MAP3K3: variants seen among roughly 807,000 people sequenced by gnomAD.
The protein encoded by MAP3K3 is MAP/ERK kinase kinase 3.
In MAP3K3, 12 loss-of-function variants were observed where a neutral mutation model predicts 80.9. The observed-to-expected ratio is 0.15, with a 90% CI of 0.10 to 0.24. The LOEUF (loss-of-function observed/expected upper bound fraction) is 0.24, where lower values mean the gene tolerates loss of function less well. Among genes scored for constraint, MAP3K3 ranks in the 10% least tolerant of loss-of-function variants. The pLI is 1.00. For missense variants in MAP3K3, 596 were observed against 834.7 expected (o/e 0.71, Z 3.52); for synonymous variants, 272 against 307.1 (o/e 0.89, Z 1.19).
intron 1 of MAP3K3, among the ~76,000 whole-genome samples, chr17:63,625,396 T>A (rs1168947254): frequency 6.6e-6 from 1 of 152,248 alleles, no homozygotes; most frequent in East Asian, 1.9e-4. Flanking sequence ...TAGTGGCAAA[T>A]GCTGTTCATA....
At chr17:63,672,594 G>T (rs1160718803) in intron 6 of MAP3K3, among the ~76,000 whole-genome samples, 1 of 152,162 alleles carries the variant, frequency 6.6e-6, no homozygotes, top group Non-Finnish European at 1.5e-5. Context: ...TTGAAACCAT[G>T]CACCCAGGCG....
Position 63,690,431 on chromosome 17 carries a change from C to A in MAP3K3, c.1212+19C>A. On this transcript the variant is annotated intron_variant, in intron 12 of 15. Transcript: ENST00000361733. ...AAGCAAGGTACACTTAACCCGTGGT[C>A]TGACTTCAGTTCCCTCCTTTCAACA... The A allele has an allele frequency of 1.2e-6, 2 of 1,611,044 alleles. No homozygotes were observed. Among genetic ancestry groups the A allele is most frequent in the South Asian group, 1.1e-5 (1 of 90,690 alleles).
intron 10 of MAP3K3, 34 bp downstream of exon 10, chr17:63,688,915 C>T: frequency 6.5e-7 from 1 of 1,545,380 alleles, no homozygotes; most frequent in East Asian, 2.2e-5. Context: ...CTGCTGGCTG[C>T]CTCAAGAAAG....
chr17:63,660,141 A>G (rs148157945), intron 5 of MAP3K3, among the ~76,000 whole-genome samples: 5 of 151,874 alleles, frequency 3.3e-5, no homozygotes, highest in Non-Finnish European at 7.4e-5. Context: ...TTGTTTCTCC[A>G]CTTTGAATTT....
intron 5 of MAP3K3, among the ~76,000 whole-genome samples, chr17:63,662,251 A>G (rs2034908233): frequency 6.6e-6 from 1 of 151,244 alleles, no homozygotes; most frequent in Admixed American, 6.6e-5. Context: ...ATTGAAAAAA[A>G]AAAAAAAAAA....
chr17:63,640,987 G>T (rs1022359200), intron 2 of MAP3K3, among the ~76,000 whole-genome samples: 3 of 152,146 alleles, frequency 2.0e-5, no homozygotes, highest in Non-Finnish European at 2.9e-5. Context: ...ATGATTTATA[G>T]AACATCTACC....
chr17:63,676,255 C>T (rs913950907), intron 6 of MAP3K3, among the ~76,000 whole-genome samples: 3 of 152,194 alleles, frequency 2.0e-5, no homozygotes, highest in Non-Finnish European at 2.9e-5. Flanking sequence ...TATTTTTCCC[C>T]CCAGACCCTC....
rs1369487430 is a variant in MAP3K3, at chr17:63,696,010, T to C, written c.*2233T>C. ...AGGGCAGTTCCTGGCAGCCCCAGGC[T>C]TGCTGTGGGAAGGGGCCGTGCCGTC... On this transcript the variant is annotated 3_prime_UTR_variant, in exon 16 of 16. Transcript: ENST00000361733. 1.3e-5 allele frequency: 2 copies of C among 152,604 alleles called. No individual in the cohort carries two copies. Among genetic ancestry groups the C allele is most frequent in the South Asian group, 2.1e-4 (1 of 4,832 alleles). The allele number at this position is 152,604 out of a possible 1,614,324, so 9.5% of individuals were successfully genotyped here. A position where few individuals can be genotyped will look rare whatever the true frequency, so the allele number is the denominator to read the frequency against.
chr17:63,658,216 C>T (rs1045310710), intron 5 of MAP3K3, among the ~76,000 whole-genome samples: 3 of 152,120 alleles, frequency 2.0e-5, no homozygotes, highest in Admixed American at 6.5e-5. Flanking sequence ...TAGATTTTGA[C>T]CCCAACAAGA....
chr17:63,633,121 A>G (rs551235172), intron 2 of MAP3K3, among the ~76,000 whole-genome samples: 82 of 152,152 alleles, frequency 5.4e-4, no homozygotes, highest in Non-Finnish European at 9.7e-4. Context: ...CCAGCTACTC[A>G]GGAAGCTGAG....
At position 63,691,901 on chromosome 17, in the gene MAP3K3, G is replaced by T. The variant is rs776935191; in HGVS notation, c.1474+39G>T. 2 of 1,601,502 alleles carry T rather than the reference G, an allele frequency of 1.2e-6. No homozygotes were observed. The highest frequency in any genetic ancestry group is 1.7e-6 in the Non-Finnish European group (2 of 1,170,388). ...GGATACATGGAGTCCCCAGGACCTG[G>T]GTTCAAGTCTACCATTGAGTGCCTG... On this transcript the variant is annotated intron_variant, in intron 14 of 15. Transcript: ENST00000361733. This position sits in a 1 kb window ranked among gnomAD's most constrained non-coding sequence, Gnocchi z 4.8.
chr17:63,691,662 G>C lies in MAP3K3; in HGVS notation c.1345-71G>C. 1 of 1,568,226 alleles carries C rather than the reference G, an allele frequency of 6.4e-7. No homozygotes were observed. ...AATCACTCCTTTGCTGCCATGCTGG[G>C]GGCTGGAATGGGCTTGCCCCTCCAC... On this transcript the variant is annotated intron_variant, in intron 13 of 15. Transcript: ENST00000361733. This position sits in a 1 kb window ranked among gnomAD's most constrained non-coding sequence, Gnocchi z 4.8.
At chr17:63,658,013 A>G in intron 5 of MAP3K3, 106 bp downstream of exon 5, 1 of 574,148 alleles carries the variant, frequency 1.7e-6, no homozygotes, top group Non-Finnish European at 3.1e-6. Context: ...GCCACTGCCA[A>G]ATTGAGAGCA....
Position 63,695,381 on chromosome 17 carries a change from A to G in MAP3K3, c.*1604A>G, listed in dbSNP as rs1466315079. On this transcript the variant is annotated 3_prime_UTR_variant, in exon 16 of 16. Transcript: ENST00000361733. This position sits in a 1 kb window ranked among gnomAD's most constrained non-coding sequence, Gnocchi z 4.1. ...TGTTACAGGTGACGGACGCCTCAAGAGAGAGAAGAGAAAATGAAAGCAGCT... is the reference window on the plus strand; with the variant it reads ...TGTTACAGGTGACGGACGCCTCAAGGGAGAGAAGAGAAAATGAAAGCAGCT... 2 of 152,666 alleles carry G rather than the reference A, an allele frequency of 1.3e-5. No individual in the cohort carries two copies. The highest frequency in any genetic ancestry group is 2.9e-5 in the Non-Finnish European group (2 of 68,058). 9.5% of individuals were successfully genotyped at this position (152,666 alleles called of 1,614,324 possible).
At chr17:63,644,924 C>T (rs2034512444) in intron 2 of MAP3K3, among the ~76,000 whole-genome samples, 1 of 152,162 alleles carries the variant, frequency 6.6e-6, no homozygotes. Flanking sequence ...CCCATCTTAC[C>T]TTTCTTTTCC....
At position 63,689,546 on chromosome 17, in the gene MAP3K3, A is replaced by G. The variant is rs750413982; in HGVS notation, c.874A>G (p.Arg292Gly). Residue 292 changes from arginine to glycine, a missense_variant and splice_region_variant, in exon 11 of 16, where the codon AGA (arginine) becomes GGA (glycine). Physicochemically the swap from Arg to Gly is moderately radical, Grantham distance 125. Coordinates refer to ENST00000361733, the MANE Select transcript of MAP3K3 (RefSeq NM_002401.5). This position sits in a 1 kb window ranked among gnomAD's most constrained non-coding sequence, Gnocchi z 4.3. ...CTCTGGCCCTTGCACCCTTTCAGGC[A>G]GAAGAACATTTCCCCGAATACGGCG... ...SVHHKDYSDG[R>G]RTFPRIRRHQ... The G allele has an allele frequency of 5.0e-6, 8 of 1,612,564 alleles. No individual in the cohort carries two copies. In the Admixed American group the frequency reaches 8.4e-5, roughly 17 times the overall value.
At position 63,689,853 on chromosome 17, in the gene MAP3K3, T is replaced by C. The variant is rs144998531; in HGVS notation, c.1063+118T>C. ...CAGCAGGTGGTGGCTTTGGCCCAAA[T>C]GCACCACATGGGATAAGCCTTGGAG... is the stretch of plus-strand genomic sequence containing the variant. On this transcript the variant is annotated intron_variant, in intron 11 of 15. Transcript: ENST00000361733. This position sits in a 1 kb window ranked among gnomAD's most constrained non-coding sequence, Gnocchi z 4.3. 221 of 914,352 alleles carry C rather than the reference T, an allele frequency of 2.4e-4. No individual in the cohort carries two copies. In the African/African-American group the frequency reaches 3.2e-3, roughly 13 times the overall value. The allele number at this position is 914,352 out of a possible 1,614,324, so 56.6% of individuals were successfully genotyped here.
chr17:63,634,886 C>A, intron 2 of MAP3K3: 1 of 1,219,574 alleles, frequency 8.2e-7, no homozygotes, highest in Non-Finnish European at 1.2e-6. Context: ...ACTTCCCAGA[C>A]AAGTTGTTTT....
In MAP3K3 at chr17:63,691,252, C is replaced by T. The variant is rs2035584305; in HGVS notation, c.1344+19C>T. 1.2e-6 allele frequency: 2 copies of T among 1,613,896 alleles called. No individual in the cohort carries two copies. The highest frequency in any genetic ancestry group is 1.7e-6 in the Non-Finnish European group (2 of 1,179,972). On this transcript the variant is annotated intron_variant, in intron 13 of 15. Coordinates refer to ENST00000361733, the MANE Select transcript of MAP3K3 (RefSeq NM_002401.5). This position sits in a 1 kb window ranked among gnomAD's most constrained non-coding sequence, Gnocchi z 4.8. ...GCCAGGGGTACGTGCCCCTTGAATG[C>T]ATGTGAGACACACACAAAAGAGGGC...
Sources: allele counts gnomAD v4.1 joint callset (sites outside exome capture counted in the v4.1 genomes callset), GRCh38; gene constraint gnomAD v4.1.1; non-coding constraint Gnocchi (gnomAD v3.1); transcripts MANE v1.5; gene names NCBI Gene and HGNC (gene_info 2026-07-23, HGNC 2026-07-21).